Variants in SLC22A23 observed in about 807,000 individuals in gnomAD.
The protein encoded by SLC22A23 is solute carrier family 22 member 23.
In SLC22A23, 26 loss-of-function variants were observed where a neutral mutation model predicts 61.0. That is an observed-to-expected ratio of 0.43 (90% CI 0.31 to 0.59). The LOEUF (loss-of-function observed/expected upper bound fraction) is 0.59, where lower values mean the gene tolerates loss of function less well. Ranked by LOEUF, SLC22A23 falls within the 20% of genes least tolerant of loss-of-function variation. The pLI is 0.11. For missense variants in SLC22A23, 796 were observed against 934.7 expected, an observed-to-expected ratio of 0.85 and a Z score of 1.94; for synonymous variants, 430 against 413.9, an observed-to-expected ratio of 1.04 and a Z score of -0.47.
rs949828732 is a variant in SLC22A23 at position 3,454,801 on chromosome 6, T to C, written c.654+1105A>G. Among the ~76,000 whole-genome samples, 9 of 152,186 alleles carry C rather than the reference T, an allele frequency of 5.9e-5. No homozygotes were observed. Among genetic ancestry groups the C allele is most frequent in the Admixed American group, 2.6e-4 (4 of 15,286 alleles). On this transcript the variant is annotated intron_variant, in intron 1 of 9. Coordinates refer to ENST00000406686, the MANE Select transcript of SLC22A23 (RefSeq NM_015482.2). The surrounding 1 kb of genome is among the most constrained non-coding windows in gnomAD (Gnocchi z 4.3). Reference sequence around the variant, plus strand: ...ATTATGATGATGTAAGAGTTTATCTTACACATCCATGAGCTACAACTGTTA... The same window carrying C: ...ATTATGATGATGTAAGAGTTTATCTCACACATCCATGAGCTACAACTGTTA...
chr6:3,313,872 C>T (rs564478845), intron 4 of SLC22A23, among the ~76,000 whole-genome samples: 5 of 152,134 alleles, frequency 3.3e-5, no homozygotes, highest in Non-Finnish European at 5.9e-5. Context: ...AACTCTGTCT[C>T]TACAGAATTA....
At position 3,415,799 on chromosome 6, in the gene SLC22A23, C is replaced by T; in HGVS notation, c.711G>A (p.Leu237=). The change falls in exon 2 of 10, where the codon CTG becomes CTA. Residue 237 remains leucine (L), a synonymous_variant. Transcript: ENST00000406686. ...WKVHIAKFSL[L]VGLIFGYLIT... is the part of the protein sequence containing the mutation. ...TTAGGTAGCCAAAGATTAATCCAACCAGTAAGGAGAACTTAGCGATATGGA... is the reference window on the plus strand; with the variant it reads ...TTAGGTAGCCAAAGATTAATCCAACTAGTAAGGAGAACTTAGCGATATGGA... 1 of 1,552,044 alleles carries T rather than the reference C, an allele frequency of 6.4e-7. No individual in the cohort carries two copies. The highest frequency in any genetic ancestry group is 1.7e-4 in the Middle Eastern group (1 of 5,992).
intron 9 of SLC22A23, among the ~76,000 whole-genome samples, chr6:3,278,638 G>A (rs543675063): frequency 1.9e-4 from 29 of 152,336 alleles, no homozygotes; most frequent in African/African-American, 7.0e-4. Flanking sequence ...GCTCACCCAG[G>A]TGAATGGGAC....
intron 1 of SLC22A23, among the ~76,000 whole-genome samples, chr6:3,421,582 A>G (rs1323880860): frequency 6.6e-6 from 1 of 152,224 alleles, no homozygotes; most frequent in Non-Finnish European, 1.5e-5. Flanking sequence ...ATTCCAAAAT[A>G]TTTTAAAGTG....
intron 1 of SLC22A23, among the ~76,000 whole-genome samples, chr6:3,451,081 A>C (rs1772134449): frequency 6.6e-6 from 1 of 152,020 alleles, no homozygotes; most frequent in Non-Finnish European, 1.5e-5. Context: ...ATACAGAAAA[A>C]ATTGGGGCAA....
rs192819137 is a variant in SLC22A23, at chr6:3,335,743, T to C, written c.914-11741A>G. 7.4e-4 allele frequency among the ~76,000 whole-genome samples: 113 copies of C among 152,310 alleles called. No homozygotes were observed. The Middle Eastern group carries it at 0.01, about 14-fold the overall frequency. The stretch of plus-strand genomic sequence containing the variant: ...TTATTTTTAATGGCAAAAACCGTAA[T>C]TACTTTTGCACCAACCTAATAAGAT... On this transcript the variant is annotated intron_variant, in intron 3 of 9. Transcript: ENST00000406686.
chr6:3,349,199 C>A (rs2127432297), intron 3 of SLC22A23, among the ~76,000 whole-genome samples: 1 of 152,338 alleles, frequency 6.6e-6, no homozygotes, highest in East Asian at 1.9e-4. Context: ...CTGCCAAAGC[C>A]TGCAGAACCC....
intron 1 of SLC22A23, among the ~76,000 whole-genome samples, chr6:3,441,371 G>T (rs1280878190): frequency 6.6e-6 from 1 of 152,132 alleles, no homozygotes; most frequent in Non-Finnish European, 1.5e-5. Flanking sequence ...GTCTACTGGG[G>T]GAAAAAAATC....
At chr6:3,306,854 A>G (rs189389384) in intron 4 of SLC22A23, among the ~76,000 whole-genome samples, 3 of 152,194 alleles carry the variant, frequency 2.0e-5, no homozygotes, top group Admixed American at 2.0e-4. Context: ...CTAGAGCAGA[A>G]TGTTCAAGCT....
intron 1 of SLC22A23, among the ~76,000 whole-genome samples, chr6:3,455,551 G>A (rs1265858929): frequency 6.6e-6 from 1 of 152,212 alleles, no homozygotes; most frequent in Non-Finnish European, 1.5e-5. Flanking sequence ...TAGCCGGGCA[G>A]AACAGGGCTG....
chr6:3,282,238 A>G, intron 9 of SLC22A23: 1 of 702,614 alleles, frequency 1.4e-6, no homozygotes, highest in South Asian at 1.5e-5. Flanking sequence ...TCCTTTAGAC[A>G]GGGAGTGAGC....
chr6:3,409,004 G>GACA (rs1347607449), intron 3 of SLC22A23, among the ~76,000 whole-genome samples: 1 of 152,234 alleles, frequency 6.6e-6, no homozygotes, highest in East Asian at 1.9e-4. Flanking sequence ...CAGGGCCATA[G>GACA]ACAACGGCAC....
chr6:3,282,403 G>C, intron 9 of SLC22A23: 2 of 686,900 alleles, frequency 2.9e-6, no homozygotes, highest in East Asian at 2.7e-5. Flanking sequence ...CCCAGTAGCT[G>C]TCAGGCTGGG....
intron 6 of SLC22A23, 103 bp from the exon 7 acceptor site, chr6:3,287,194 C>G: frequency 1.9e-6 from 2 of 1,032,582 alleles, no homozygotes; most frequent in Non-Finnish European, 2.9e-6. Flanking sequence ...GATGAAGAAG[C>G]AACTCAATGT....
intron 1 of SLC22A23, among the ~76,000 whole-genome samples, chr6:3,444,408 C>T (rs971578463): frequency 6.6e-6 from 1 of 152,240 alleles, no homozygotes. Flanking sequence ...CAACTTGCCC[C>T]TACGTTTGCT....
chr6:3,454,742 T>A lies in SLC22A23; in HGVS notation c.654+1164A>T, dbSNP rs547366613. 6.6e-6 allele frequency among the ~76,000 whole-genome samples: 1 copy of A among 152,198 alleles called. No homozygotes were observed. Among genetic ancestry groups the A allele is most frequent in the Non-Finnish European group, 1.5e-5 (1 of 68,036 alleles). On this transcript the variant is annotated intron_variant, in intron 1 of 9. Coordinates refer to ENST00000406686, the MANE Select transcript of SLC22A23 (RefSeq NM_015482.2). This position sits in a 1 kb window ranked among gnomAD's most constrained non-coding sequence, Gnocchi z 4.3. The stretch of plus-strand genomic sequence containing the variant: ...CAGACAGTTCCCACAGGACAGAGCA[T>A]TTCTGGCCAGGTTGGTACAAGATTA...
chr6:3,355,206 C>T (rs957638834), intron 3 of SLC22A23, among the ~76,000 whole-genome samples: 33 of 151,848 alleles, frequency 2.2e-4, no homozygotes, highest in African/African-American at 8.0e-4. Context: ...AAGTCTCCCT[C>T]CAAATACTAT....
intron 1 of SLC22A23, among the ~76,000 whole-genome samples, chr6:3,425,582 C>T (rs547712789): frequency 6.6e-6 from 1 of 152,232 alleles, no homozygotes; most frequent in South Asian, 2.1e-4. Context: ...CCGCACCCGG[C>T]CGAATAATTA....
At chr6:3,438,883 T>C (rs899135343) in intron 1 of SLC22A23, among the ~76,000 whole-genome samples, 1 of 152,220 alleles carries the variant, frequency 6.6e-6, no homozygotes, top group Non-Finnish European at 1.5e-5. Flanking sequence ...GGCTGCCTTG[T>C]GGGAATTCCC....
Sources: allele counts gnomAD v4.1 joint callset (sites outside exome capture counted in the v4.1 genomes callset), GRCh38; gene constraint gnomAD v4.1.1; non-coding constraint Gnocchi (gnomAD v3.1); transcripts MANE v1.5; gene names NCBI Gene and HGNC (gene_info 2026-07-23, HGNC 2026-07-21).